ITFG1: variants seen among roughly 807,000 people sequenced by gnomAD.
The protein encoded by ITFG1 is integrin alpha FG-GAP repeat containing 1.
A neutral mutation model predicts 81.8 loss-of-function variants in ITFG1; 34 were observed. The ratio of observed to expected loss-of-function variants is 0.42; its 90% CI spans 0.32 to 0.55. The LOEUF is 0.55. ITFG1 is among the 20% of genes least tolerant of loss of function. ITFG1 has a pLI of 0.17. For synonymous variants in ITFG1, 285 were observed against 270.6 expected, an observed-to-expected ratio of 1.05 and a Z score of -0.52; for missense variants, 672 against 755.4, an observed-to-expected ratio of 0.89 and a Z score of 1.29.
rs1567479307 is a variant in ITFG1 at position 47,376,980 on chromosome 16, A to ATAAAAAAAAAAAAT, written c.656-1041_656-1040insATTTTTTTTTTTTA. 1.7e-4 allele frequency among the ~76,000 whole-genome samples: 26 copies of ATAAAAAAAAAAAAT among 150,186 alleles called. 1 individual carries two copies. The highest frequency in any genetic ancestry group is 6.2e-4 in the African/African-American group (25 of 40,268). On this transcript the variant is annotated intron_variant, in intron 6 of 17. Transcript: ENST00000320640. ...CTGTCTCCCCAAAAAAAAAAAAAAA[A>ATAAAAAAAAAAAAT]AAAAAAAAAAGATTCAGAGTGATGT... is the stretch of plus-strand genomic sequence containing the variant.
chr16:47,447,016 C>T (rs1205570631), intron 5 of ITFG1, among the ~76,000 whole-genome samples: 1 of 151,974 alleles, frequency 6.6e-6, no homozygotes, highest in South Asian at 2.1e-4. Context: ...AGTGCACCAT[C>T]ATGCTCGATT....
chr16:47,352,667 A>G (rs1169347983), intron 8 of ITFG1, among the ~76,000 whole-genome samples: 2 of 152,338 alleles, frequency 1.3e-5, no homozygotes, highest in East Asian at 3.9e-4. Flanking sequence ...TCAGGGATCT[A>G]GAACTAGAAA....
chr16:47,406,694 G>A (rs1235926018), intron 6 of ITFG1, among the ~76,000 whole-genome samples: 1 of 152,096 alleles, frequency 6.6e-6, no homozygotes, highest in African/African-American at 2.4e-5. Flanking sequence ...AAAACATTAA[G>A]TATATAGTAT....
chr16:47,419,246 G>C (rs1462258709), intron 6 of ITFG1, among the ~76,000 whole-genome samples: 1 of 151,720 alleles, frequency 6.6e-6, no homozygotes, highest in African/African-American at 2.4e-5. Context: ...TGTGGCTTTG[G>C]CCACCTGGCC....
At chr16:47,345,954 T>A (rs934981662) in intron 8 of ITFG1, among the ~76,000 whole-genome samples, 1 of 152,190 alleles carries the variant, frequency 6.6e-6, no homozygotes, top group African/African-American at 2.4e-5. Flanking sequence ...ACTAGGAGAC[T>A]TCAGTATCCC....
intron 6 of ITFG1, among the ~76,000 whole-genome samples, chr16:47,427,747 G>A (rs547257718): frequency 7.2e-5 from 11 of 152,240 alleles, no homozygotes; most frequent in African/African-American, 1.9e-4. Context: ...TCTCTACTTC[G>A]GCATGAACCT....
At chr16:47,310,627 T>C (rs1348321813) in intron 10 of ITFG1, among the ~76,000 whole-genome samples, 1 of 152,168 alleles carries the variant, frequency 6.6e-6, no homozygotes, top group African/African-American at 2.4e-5. Flanking sequence ...AGTTGACATA[T>C]ACAAAAAGTA....
intron 8 of ITFG1, among the ~76,000 whole-genome samples, chr16:47,331,867 T>TTA (rs1171032274): frequency 6.6e-6 from 1 of 152,212 alleles, no homozygotes; most frequent in Non-Finnish European, 1.5e-5. Context: ...ATAAACATCT[T>TTA]TAATTCCCTT....
chr16:47,181,765 G>A (rs1197630838), intron 14 of ITFG1, among the ~76,000 whole-genome samples: 1 of 152,188 alleles, frequency 6.6e-6, no homozygotes, highest in Non-Finnish European at 1.5e-5. Context: ...GGAAAAGATT[G>A]AGAAATCGGA....
chr16:47,375,945 A>T lies in ITFG1; in HGVS notation c.656-5T>A, dbSNP rs2151590616. The T allele has an allele frequency of 6.3e-7, 1 of 1,587,112 alleles. No homozygotes were observed. The highest frequency in any genetic ancestry group is 2.2e-5 in the East Asian group (1 of 44,620). Reference sequence around the variant, plus strand: ...TCAATGTCGTCAGGAATAAATCTAGAAGGAAAAATAATAAAAACGTAAAGT... The same window carrying T: ...TCAATGTCGTCAGGAATAAATCTAGTAGGAAAAATAATAAAAACGTAAAGT... On this transcript the variant is annotated splice_region_variant and splice_polypyrimidine_tract_variant and intron_variant, in intron 6 of 17. Coordinates refer to ENST00000320640, the MANE Select transcript of ITFG1 (RefSeq NM_030790.5).
intron 10 of ITFG1, among the ~76,000 whole-genome samples, chr16:47,307,198 G>T (rs575376009): frequency 4.0e-5 from 6 of 149,670 alleles, no homozygotes; most frequent in African/African-American, 1.5e-4. Flanking sequence ...TGAAGGAGTC[G>T]TATCTAAAGA....
chr16:47,248,107 T>C (rs1966024031), intron 12 of ITFG1, among the ~76,000 whole-genome samples: 1 of 152,218 alleles, frequency 6.6e-6, no homozygotes, highest in South Asian at 2.1e-4. Flanking sequence ...AGCAATTGTG[T>C]AAAGCAGAAG....
At chr16:47,327,089 A>G (rs1967558854) in intron 8 of ITFG1, among the ~76,000 whole-genome samples, 1 of 152,216 alleles carries the variant, frequency 6.6e-6, no homozygotes, top group Admixed American at 6.5e-5. Flanking sequence ...ACAAGGCTAC[A>G]GTAACCAAAA....
At chr16:47,398,233 A>C (rs1248170882) in intron 6 of ITFG1, among the ~76,000 whole-genome samples, 1 of 152,094 alleles carries the variant, frequency 6.6e-6, no homozygotes, top group East Asian at 1.9e-4. Context: ...CTTCATCCCC[A>C]GTGTCTATTT....
intron 6 of ITFG1, among the ~76,000 whole-genome samples, chr16:47,386,309 GCT>G (rs1396430941): frequency 6.6e-6 from 1 of 152,174 alleles, no homozygotes; most frequent in African/African-American, 2.4e-5. Flanking sequence ...ACTACTACCT[GCT>G]CTTTCTCTCC....
intron 8 of ITFG1, among the ~76,000 whole-genome samples, chr16:47,353,919 G>C (rs1968002674): frequency 2.0e-5 from 3 of 152,076 alleles, no homozygotes; most frequent in African/African-American, 7.2e-5. Flanking sequence ...CTGTGTTCAT[G>C]AATCGCAAGA....
At chr16:47,362,190 C>G (rs1968118183) in intron 8 of ITFG1, among the ~76,000 whole-genome samples, 1 of 152,144 alleles carries the variant, frequency 6.6e-6, no homozygotes, top group Non-Finnish European at 1.5e-5. Context: ...TGTAGTCCAG[C>G]TCCGGCTCTC....
intron 9 of ITFG1, 146 bp from the exon 10 acceptor site, chr16:47,311,558 T>C: frequency 1.9e-6 from 1 of 521,444 alleles, no homozygotes; most frequent in Non-Finnish European, 3.2e-6. Context: ...GGGATCATAA[T>C]TTACTCTGAT....
At chr16:47,245,120 G>A (rs1965985969) in intron 12 of ITFG1, among the ~76,000 whole-genome samples, 1 of 152,126 alleles carries the variant, frequency 6.6e-6, no homozygotes, top group Admixed American at 6.5e-5. Flanking sequence ...GCTGAGGCGG[G>A]TGGACCACCT....
Sources: allele counts gnomAD v4.1 joint callset (sites outside exome capture counted in the v4.1 genomes callset), GRCh38; gene constraint gnomAD v4.1.1; transcripts MANE v1.5; gene names NCBI Gene and HGNC (gene_info 2026-07-23, HGNC 2026-07-21).